The following RAB21 variants were observed in gnomAD, a reference collection of about 807,000 sequenced individuals.
RAB21 encodes ras-related protein Rab-21.
Under a neutral mutation model 33.1 loss-of-function variants are expected in RAB21, and 13 were observed. That is an observed-to-expected ratio of 0.39 (90% CI 0.26 to 0.62). The LOEUF is 0.62. RAB21 is among the 20% of genes least tolerant of loss of function. The pLI is 0.48. For synonymous variants in RAB21, 91 were observed against 103.7 expected (o/e 0.88, Z 0.74); for missense variants, 234 against 279.1 (o/e 0.84, Z 1.15).
chr12:71,783,042 A>G (rs1883224751), intron 6 of RAB21, among the ~76,000 whole-genome samples: 1 of 152,152 alleles, frequency 6.6e-6, no homozygotes, highest in Non-Finnish European at 1.5e-5. Context: ...GTGTTTGTGA[A>G]ACAAGATATT....
chr12:71,760,576 G>A (rs1295187526), intron 1 of RAB21, among the ~76,000 whole-genome samples: 1 of 152,060 alleles, frequency 6.6e-6, no homozygotes, highest in Admixed American at 6.6e-5. Flanking sequence ...TATTAGCTGG[G>A]GAATATAACG....
chr12:71,757,031 G>A lies in RAB21; in HGVS notation c.159+1743G>A, dbSNP rs574334117. Among the ~76,000 whole-genome samples, 12 of 152,084 alleles carry A rather than the reference G, an allele frequency of 7.9e-5. No homozygotes were observed. The South Asian group carries it at 1.0e-3, about 13-fold the overall frequency. ...TTGAGCAATTAAATCACATTACCTC[G>A]GTATATTGATAAATAACCCATCTAG... On this transcript the variant is annotated intron_variant, in intron 1 of 6. Transcript: ENST00000261263.
At chr12:71,761,609 CAG>C (rs1295333799) in intron 1 of RAB21, among the ~76,000 whole-genome samples, 4 of 152,094 alleles carry the variant, frequency 2.6e-5, no homozygotes, top group African/African-American at 9.7e-5. Flanking sequence ...ACCTGGGAGA[CAG>C]AGGTTGCAGT....
At chr12:71,774,744 G>A (rs1164895624) in intron 4 of RAB21, among the ~76,000 whole-genome samples, 5 of 144,422 alleles carry the variant, frequency 3.5e-5, no homozygotes, top group Non-Finnish European at 7.4e-5. Flanking sequence ...GCAACAGAGC[G>A]AGACTGTGTC....
In RAB21 at chr12:71,782,584, T is replaced by G; in HGVS notation, c.461T>G (p.Val154Gly). The change falls in exon 6 of 7, where the codon GTG (valine) becomes GGG (glycine). Residue 154 changes from valine (V) to glycine (G), a missense_variant. Transcript: ENST00000261263. ...IQEAESYAESVGAKHYHTSAK... is the reference protein window; with the variant it reads ...IQEAESYAESGGAKHYHTSAK... ...TTTTTTTTAAGGTATGCAGAATCTG[T>G]GGGAGCAAAACATTATCATACTTCA... is the stretch of plus-strand genomic sequence containing the variant. The G allele has an allele frequency of 6.3e-7, 1 of 1,595,616 alleles. No individual in the cohort carries two copies. The highest frequency in any genetic ancestry group is 8.6e-7 in the Non-Finnish European group (1 of 1,169,112).
Position 71,783,293 on chromosome 12 carries a change from T to C in RAB21, c.535+635T>C, listed in dbSNP as rs149382524. On this transcript the variant is annotated intron_variant, in intron 6 of 6. Transcript: ENST00000261263. The stretch of plus-strand genomic sequence containing the variant: ...TTGAAATTTTCCATATTAAAAAGTT[T>C]ATAGTTTTAAAGAAAAAGGAAAATA... Among the ~76,000 whole-genome samples, 31 of 152,136 alleles carry C rather than the reference T, an allele frequency of 2.0e-4. No homozygotes were observed. In the East Asian group the frequency reaches 3.5e-3, roughly 17 times the overall value.
In RAB21 at chr12:71,774,037, T is replaced by G. The variant is rs776473877; in HGVS notation, c.391+15T>G. 6.5e-7 allele frequency: 1 copy of G among 1,528,904 alleles called. No homozygotes were observed. Among genetic ancestry groups the G allele is most frequent in the African/African-American group, 1.4e-5 (1 of 70,746 alleles). 94.7% of individuals were successfully genotyped at this position (1,528,904 alleles called of 1,614,324 possible). On this transcript the variant is annotated intron_variant, in intron 4 of 6. Coordinates refer to ENST00000261263, the MANE Select transcript of RAB21 (RefSeq NM_014999.4). ...ATGTATAGTTGGTAAGCATCATTAC[T>G]TTTTTCTAAAAAAAAAGTCCTCTGT...
At chr12:71,761,053 A>T (rs1180317346) in intron 1 of RAB21, among the ~76,000 whole-genome samples, 1 of 151,922 alleles carries the variant, frequency 6.6e-6, no homozygotes, top group African/African-American at 2.4e-5. Context: ...TAAAAAAAAA[A>T]AAAAATAGCT....
chr12:71,782,742 T>G, intron 6 of RAB21, 84 bp downstream of exon 6: 1 of 873,250 alleles, frequency 1.1e-6, no homozygotes, highest in Non-Finnish European at 1.7e-6. Context: ...ACACCAGTGT[T>G]ACTTTTCAAA....
At position 71,776,396 on chromosome 12, in the gene RAB21, C is replaced by G. The variant is rs565566805; in HGVS notation, c.391+2374C>G. On this transcript the variant is annotated intron_variant, in intron 4 of 6. Transcript: ENST00000261263. ...AATTGAACCTCAGGGAAGATACTTT[C>G]ACTGGAGCATCAGAGAGAGTGGTTG... Among the ~76,000 whole-genome samples the G allele has an allele frequency of 3.1e-3, 474 of 152,134 alleles. 4 individuals are homozygous for G. The highest frequency in any genetic ancestry group is 0.01 in the African/African-American group (428 of 41,518).
intron 1 of RAB21, among the ~76,000 whole-genome samples, chr12:71,760,969 A>G (rs1054509739): frequency 6.6e-6 from 1 of 151,610 alleles, no homozygotes; most frequent in African/African-American, 2.4e-5. Flanking sequence ...CTTTGGGAGG[A>G]TGAGGTGGGA....
rs1883506001 is a variant in RAB21, at chr12:71,799,207, C to T, written c.*13534C>T. 1 of 152,188 alleles carries T rather than the reference C, an allele frequency of 6.6e-6. No individual in the cohort carries two copies. Among genetic ancestry groups the T allele is most frequent in the Non-Finnish European group, 1.5e-5 (1 of 68,048 alleles). 9.4% of individuals were successfully genotyped at this position (152,188 alleles called of 1,614,324 possible). ...GGCTGGCCTCTGGTTCCCAGCAGGG[C>T]TCCATGGTGACCAGAGGTTGTAGTT... On this transcript the variant is annotated 3_prime_UTR_variant, in exon 7 of 7. Transcript: ENST00000261263.
intron 4 of RAB21, among the ~76,000 whole-genome samples, chr12:71,781,161 T>G (rs1883193063): frequency 6.6e-6 from 1 of 152,152 alleles, no homozygotes; most frequent in Non-Finnish European, 1.5e-5. Flanking sequence ...CTAAAATTGT[T>G]TTTTAAACAA....
At chr12:71,777,088 T>G (rs1476222822) in intron 4 of RAB21, among the ~76,000 whole-genome samples, 4 of 152,196 alleles carry the variant, frequency 2.6e-5, no homozygotes, top group Non-Finnish European at 5.9e-5. Context: ...TTTCATTATA[T>G]GTACAGAAAA....
At chr12:71,779,105 A>G (rs561985103) in intron 4 of RAB21, among the ~76,000 whole-genome samples, 55 of 152,282 alleles carry the variant, frequency 3.6e-4, no homozygotes, top group Admixed American at 5.9e-4. Flanking sequence ...CAACCCTGCA[A>G]GGTTTGTTAG....
At chr12:71,769,576 G>A (rs1883010889) in intron 1 of RAB21, among the ~76,000 whole-genome samples, 1 of 152,014 alleles carries the variant, frequency 6.6e-6, no homozygotes, top group Non-Finnish European at 1.5e-5. Flanking sequence ...TATTTTCTGT[G>A]TGTTTTGTAT....
intron 1 of RAB21, among the ~76,000 whole-genome samples, chr12:71,756,363 T>G (rs184008195): frequency 1.7e-3 from 252 of 152,342 alleles, no homozygotes; most frequent in African/African-American, 5.9e-3. Flanking sequence ...GTGTAAGTTG[T>G]CTGCCTTTAA....
Position 71,755,308 on chromosome 12 carries a change from G to T in RAB21, c.159+20G>T. On this transcript the variant is annotated intron_variant, in intron 1 of 6. Coordinates refer to ENST00000261263, the MANE Select transcript of RAB21 (RefSeq NM_014999.4). The stretch of plus-strand genomic sequence containing the variant: ...CTGCAGGTGCGGACCTCGGGGAGCG[G>T]GAGGGGGCGCCTCAGGGCCCCTACC... The T allele has an allele frequency of 6.7e-7, 1 of 1,497,656 alleles. No individual in the cohort carries two copies. The highest frequency in any genetic ancestry group is 1.3e-5 in the South Asian group (1 of 76,410). The allele number at this position is 1,497,656 out of a possible 1,614,324, so 92.8% of individuals were successfully genotyped here.
chr12:71,794,044 C>T lies in RAB21; in HGVS notation c.*8371C>T, dbSNP rs1311897246. The stretch of plus-strand genomic sequence containing the variant: ...GACCAGTGTAGACAACATGGCGAAA[C>T]CCCATCTCTATCCAAAAATATACAA... On this transcript the variant is annotated 3_prime_UTR_variant, in exon 7 of 7. Coordinates refer to ENST00000261263, the MANE Select transcript of RAB21 (RefSeq NM_014999.4). 6.6e-6 allele frequency: 1 copy of T among 151,862 alleles called. No homozygotes were observed. The highest frequency in any genetic ancestry group is 2.1e-4 in the South Asian group (1 of 4,818). 9.4% of individuals were successfully genotyped at this position (151,862 alleles called of 1,614,324 possible).
Sources: allele counts gnomAD v4.1 joint callset (sites outside exome capture counted in the v4.1 genomes callset), GRCh38; gene constraint gnomAD v4.1.1; transcripts MANE v1.5; gene names NCBI Gene and HGNC (gene_info 2026-07-23, HGNC 2026-07-21).